Variants in NRXN1 observed in about 807,000 individuals in gnomAD.
The protein encoded by NRXN1 is neurexin-1.
A neutral mutation model predicts 150.9 loss-of-function variants in NRXN1; 39 were observed. The observed-to-expected ratio is 0.26, with a 90% CI of 0.20 to 0.34. The LOEUF (loss-of-function observed/expected upper bound fraction) is 0.34, where lower values mean the gene tolerates loss of function less well. NRXN1 is among the 10% of genes least tolerant of loss of function. The pLI is 1.00. For synonymous variants in NRXN1, 924 were observed against 757.0 expected (o/e 1.22, Z -3.62); for missense variants, 1,815 against 1,949.9 (o/e 0.93, Z 1.30).
chr2:50,106,908 C>G (rs1701719868), intron 18 of NRXN1, among the ~76,000 whole-genome samples: 1 of 151,920 alleles, frequency 6.6e-6, no homozygotes, highest in Non-Finnish European at 1.5e-5. Flanking sequence ...GTTACAAGAG[C>G]TAAGCCATTT....
chr2:50,942,376 G>A (rs767200983), intron 2 of NRXN1, among the ~76,000 whole-genome samples: 1 of 152,132 alleles, frequency 6.6e-6, no homozygotes, highest in Non-Finnish European at 1.5e-5. Flanking sequence ...TGAGAAGGCA[G>A]CTACTCCAGA....
At chr2:50,593,710 A>T (rs546491525) in intron 8 of NRXN1, among the ~76,000 whole-genome samples, 1 of 152,276 alleles carries the variant, frequency 6.6e-6, no homozygotes, top group South Asian at 2.1e-4. Flanking sequence ...ATTTAAAAAC[A>T]TCTATATATT....
At chr2:50,971,973 T>C (rs181774596) in intron 2 of NRXN1, among the ~76,000 whole-genome samples, 219 of 152,222 alleles carry the variant, frequency 1.4e-3, no homozygotes, top group African/African-American at 5.2e-3. Context: ...AATCTTAATA[T>C]ACATCACTTC....
intron 17 of NRXN1, among the ~76,000 whole-genome samples, chr2:50,392,489 G>A (rs2081785406): frequency 6.6e-6 from 1 of 152,078 alleles, no homozygotes; most frequent in Non-Finnish European, 1.5e-5. Flanking sequence ...GCCTTAGACT[G>A]CAATAGGTAA....
intron 17 of NRXN1, among the ~76,000 whole-genome samples, chr2:50,322,596 G>T (rs1021722660): frequency 6.6e-6 from 1 of 152,168 alleles, no homozygotes; most frequent in Non-Finnish European, 1.5e-5. Context: ...TAATGAGGAT[G>T]AGTAGAGACA....
chr2:51,027,588 A>G lies in NRXN1; in HGVS notation c.686T>C (p.Leu229Pro). 6.2e-7 allele frequency: 1 copy of G among 1,607,580 alleles called. No homozygotes were observed. Among genetic ancestry groups the G allele is most frequent in the Non-Finnish European group, 8.5e-7 (1 of 1,176,610 alleles). ...AGEEGEGGVC[L>P]NGGVCSVVDD... ...CACCACGGAGCACACACCTCCGTTGAGGCACACCCCGCCCTCGCCCTCCTC... is the reference window on the plus strand; with the variant it reads ...CACCACGGAGCACACACCTCCGTTGGGGCACACCCCGCCCTCGCCCTCCTC... Residue 229 changes from leucine to proline, a missense_variant, in exon 2 of 23, where the codon CTC becomes CCC. Leu to Pro is a moderately conservative substitution (Grantham distance 98). Coordinates refer to ENST00000401669, the MANE Select transcript of NRXN1 (RefSeq NM_001330078.2).
rs10601394 is a variant in NRXN1 at position 50,260,629 on chromosome 2, GTTTTTTT to G, written c.3365-23666_3365-23660del. On this transcript the variant is annotated intron_variant, in intron 17 of 22. Transcript: ENST00000401669. ...AGAAGTTCAAGCTTTTTTTTTTTCCGTTTTTTTTTTTTTTTTTTTTGAAAGAAGCCGT... is the reference window on the plus strand; with the variant it reads ...AGAAGTTCAAGCTTTTTTTTTTTCCGTTTTTTTTTTTTTGAAAGAAGCCGT... Among the ~76,000 whole-genome samples, 99 of 113,084 alleles carry G rather than the reference GTTTTTTT, an allele frequency of 8.8e-4. No individual in the cohort carries two copies. In the East Asian group the frequency reaches 0.019, roughly 21 times the overall value. The allele number at this position is 113,084 out of a possible 152,430, so 74.2% of individuals were successfully genotyped here. A position where few individuals can be genotyped will look rare whatever the true frequency, so the allele number is the denominator to read the frequency against.
chr2:50,733,842 T>G (rs575564695), intron 5 of NRXN1, among the ~76,000 whole-genome samples: 46 of 152,320 alleles, frequency 3.0e-4, no homozygotes, highest in African/African-American at 1.1e-3. Context: ...GATTATAGTT[T>G]TAATCTGTAC....
intron 5 of NRXN1, among the ~76,000 whole-genome samples, chr2:50,677,336 A>G (rs573750570): frequency 6.6e-6 from 1 of 152,260 alleles, no homozygotes; most frequent in South Asian, 2.1e-4. Flanking sequence ...GTCTGTGTGC[A>G]GGCTATTGAA....
chr2:50,541,178 A>G (rs1474397338), intron 9 of NRXN1, among the ~76,000 whole-genome samples: 3 of 152,242 alleles, frequency 2.0e-5, no homozygotes, highest in East Asian at 3.8e-4. Context: ...ATACATATAT[A>G]TAAACATATA....
At chr2:50,713,791 T>C (rs989541950) in intron 5 of NRXN1, among the ~76,000 whole-genome samples, 5 of 152,078 alleles carry the variant, frequency 3.3e-5, no homozygotes, top group Admixed American at 1.3e-4. Flanking sequence ...TATTGAGGAG[T>C]AGTTTGTAAC....
chr2:50,970,172 T>A (rs568924390), intron 2 of NRXN1, among the ~76,000 whole-genome samples: 20 of 152,286 alleles, frequency 1.3e-4, no homozygotes, highest in South Asian at 2.1e-4. Context: ...GTAATATTTG[T>A]AGGTTTTTAT....
intron 5 of NRXN1, among the ~76,000 whole-genome samples, chr2:50,681,973 C>T (rs1419434536): frequency 6.6e-6 from 1 of 152,134 alleles, no homozygotes; most frequent in Non-Finnish European, 1.5e-5. Flanking sequence ...AAACTGATAA[C>T]AAAATCCACC....
At chr2:50,466,225 A>T (rs1520454) in intron 16 of NRXN1, among the ~76,000 whole-genome samples, 40,062 of 151,612 alleles carry the variant, frequency 0.26, 6,023 homozygotes, top group South Asian at 0.39. Flanking sequence ...ACAAAGAACT[A>T]AAAAAAGCAT....
intron 2 of NRXN1, among the ~76,000 whole-genome samples, chr2:51,000,355 T>C (rs1049373331): frequency 1.3e-5 from 2 of 152,020 alleles, no homozygotes; most frequent in Non-Finnish European, 2.9e-5. Context: ...AACACTCCTA[T>C]TGATTTCTTT....
At chr2:50,588,190 AAT>A (rs1189654225) in intron 8 of NRXN1, among the ~76,000 whole-genome samples, 6 of 152,184 alleles carry the variant, frequency 3.9e-5, no homozygotes, top group Non-Finnish European at 5.9e-5. Context: ...GAATTCAATA[AAT>A]ATATGTTTTT....
At chr2:50,516,470 G>A (rs1485089678) in intron 12 of NRXN1, among the ~76,000 whole-genome samples, 2 of 152,116 alleles carry the variant, frequency 1.3e-5, no homozygotes, top group Non-Finnish European at 2.9e-5. Context: ...ATCTATGTGA[G>A]AAGCATAGTT....
intron 2 of NRXN1, among the ~76,000 whole-genome samples, chr2:50,960,318 C>T (rs1479172956): frequency 6.6e-6 from 1 of 150,720 alleles, no homozygotes; most frequent in Non-Finnish European, 1.5e-5. Flanking sequence ...TCCCTCCCTC[C>T]CTCCCTCCCT....
At chr2:50,779,278 T>A (rs1430231267) in intron 5 of NRXN1, among the ~76,000 whole-genome samples, 3 of 152,144 alleles carry the variant, frequency 2.0e-5, no homozygotes, top group Non-Finnish European at 2.9e-5. Context: ...GTGTCTGGTT[T>A]TCTGTTCATG....
Sources: gnomAD v4.1 joint callset for allele counts (sites outside exome capture counted in the v4.1 genomes callset) on GRCh38, gnomAD v4.1.1 for gene constraint, MANE v1.5 for transcripts, NCBI Gene and HGNC (gene_info 2026-07-23, HGNC 2026-07-21) for gene names.